Variants in BBS9 observed in about 807,000 individuals in gnomAD.
The protein encoded by BBS9 is Bardet-Biedl syndrome 9.
BBS9 carries 89 observed loss-of-function variants against 117.7 expected under a neutral mutation model. That is an observed-to-expected ratio of 0.76 (90% CI 0.64 to 0.90). The LOEUF (loss-of-function observed/expected upper bound fraction) is 0.90, where lower values mean the gene tolerates loss of function less well. BBS9 is among the 40% of genes least tolerant of loss of function. The probability of loss-of-function intolerance (pLI) is 0.00; values close to 1 mark genes in which losing one functional copy is unlikely to be tolerated. For missense variants in BBS9, 982 were observed against 1,042.2 expected (o/e 0.94, Z 0.80); for synonymous variants, 379 against 370.9 (o/e 1.02, Z -0.25).
At chr7:33,383,475 T>G (rs993177631) in intron 17 of BBS9, among the ~76,000 whole-genome samples, 191 bp from the exon 18 acceptor site, 1 of 152,222 alleles carries the variant, frequency 6.6e-6, no homozygotes, top group Non-Finnish European at 1.5e-5. Flanking sequence ...GGAATTAGAT[T>G]TGAAAGTGTT....
intron 19 of BBS9, among the ~76,000 whole-genome samples, chr7:33,392,824 A>G (rs1301181273): frequency 6.6e-6 from 1 of 152,174 alleles, no homozygotes; most frequent in Non-Finnish European, 1.5e-5. Context: ...ATGGACTCTG[A>G]AGATAATTTA....
intron 9 of BBS9, among the ~76,000 whole-genome samples, chr7:33,282,967 T>C (rs986702851): frequency 6.6e-6 from 1 of 152,200 alleles, no homozygotes; most frequent in Non-Finnish European, 1.5e-5. Flanking sequence ...ATTATTGGTA[T>C]ATTATTATTT....
At chr7:33,424,829 G>A (rs1278684806) in intron 19 of BBS9, among the ~76,000 whole-genome samples, 1 of 152,084 alleles carries the variant, frequency 6.6e-6, no homozygotes, top group Non-Finnish European at 1.5e-5. Context: ...CTAGAATATG[G>A]AGTAACTGAA....
chr7:33,491,280 T>G lies in BBS9; in HGVS notation c.2116-14183T>G, dbSNP rs117763953. On this transcript the variant is annotated intron_variant, in intron 19 of 22. Coordinates refer to ENST00000242067, the MANE Select transcript of BBS9 (RefSeq NM_198428.3). Reference sequence around the variant, plus strand: ...GAGCACACTATTGATTAGATAACTTTTGAGGATAAAAAGCAAAGCTACCAC... The same window carrying G: ...GAGCACACTATTGATTAGATAACTTGTGAGGATAAAAAGCAAAGCTACCAC... Among the ~76,000 whole-genome samples, 101 of 152,346 alleles carry G rather than the reference T, an allele frequency of 6.6e-4. No homozygotes were observed. In the East Asian group the frequency reaches 0.019, roughly 28 times the overall value.
chr7:33,171,549 G>A (rs983594818), intron 4 of BBS9, among the ~76,000 whole-genome samples: 22 of 151,902 alleles, frequency 1.4e-4, no homozygotes, highest in African/African-American at 4.1e-4. Context: ...AAATAATTTC[G>A]AACTAATTTT....
At chr7:33,564,969 T>G (rs1489760548) in intron 21 of BBS9, among the ~76,000 whole-genome samples, 4 of 152,198 alleles carry the variant, frequency 2.6e-5, no homozygotes, top group Admixed American at 2.6e-4. Flanking sequence ...ATGTAGTGCA[T>G]GAGGCTACAC....
intron 19 of BBS9, among the ~76,000 whole-genome samples, chr7:33,408,296 C>A (rs976554435): frequency 6.6e-6 from 1 of 152,170 alleles, no homozygotes; most frequent in Non-Finnish European, 1.5e-5. Context: ...CGGAAAAGTG[C>A]AGTATTAGGG....
In BBS9 at chr7:33,471,482, G is replaced by C. The variant is rs6958068; in HGVS notation, c.2116-33981G>C. ...TCCCTTGCTACACGTATAGTCCATA[G>C]TAGGTGCTCATAACTGCAGGTGGAA... On this transcript the variant is annotated intron_variant, in intron 19 of 22. Coordinates refer to ENST00000242067, the MANE Select transcript of BBS9 (RefSeq NM_198428.3). Among the ~76,000 whole-genome samples the C allele has an allele frequency of 3.1e-3, 478 of 152,278 alleles. 2 individuals carry two copies. Among genetic ancestry groups the C allele is most frequent in the African/African-American group, 0.011 (466 of 41,560 alleles).
At chr7:33,546,451 A>G (rs941614181) in intron 21 of BBS9, among the ~76,000 whole-genome samples, 2 of 152,172 alleles carry the variant, frequency 1.3e-5, no homozygotes, top group Admixed American at 6.5e-5. Flanking sequence ...AGCTGGTTAT[A>G]TTACTTCTCT....
chr7:33,550,696 A>G (rs1457776430), intron 21 of BBS9, among the ~76,000 whole-genome samples: 3 of 152,170 alleles, frequency 2.0e-5, no homozygotes, highest in Non-Finnish European at 4.4e-5. Context: ...GTTTATTCCA[A>G]TAAATTGTTG....
chr7:33,300,116 T>A (rs965559606), intron 9 of BBS9, among the ~76,000 whole-genome samples: 2 of 152,146 alleles, frequency 1.3e-5, no homozygotes, highest in Non-Finnish European at 2.9e-5. Flanking sequence ...CAGAGAGTAG[T>A]GTAGCTATAA....
intron 19 of BBS9, 78 bp from the exon 20 acceptor site, chr7:33,505,384 CA>C: frequency 7.0e-7 from 1 of 1,433,158 alleles, no homozygotes; most frequent in Admixed American, 1.7e-5. Flanking sequence ...TGAAGAAAAA[CA>C]AAAGTGTGCC....
intron 20 of BBS9, among the ~76,000 whole-genome samples, chr7:33,520,376 G>A (rs1027982175): frequency 2.6e-5 from 4 of 152,156 alleles, no homozygotes; most frequent in East Asian, 3.9e-4. Context: ...AAGTGAACCC[G>A]CACAGAAAAG....
intron 17 of BBS9, among the ~76,000 whole-genome samples, chr7:33,383,066 T>C (rs1563094679): frequency 6.6e-6 from 1 of 152,098 alleles, no homozygotes; most frequent in East Asian, 1.9e-4. Flanking sequence ...ATTTTCAGGG[T>C]AGAGAATAGC....
intron 6 of BBS9, among the ~76,000 whole-genome samples, chr7:33,261,303 A>G (rs1246348262): frequency 6.6e-6 from 1 of 152,190 alleles, no homozygotes; most frequent in African/African-American, 2.4e-5. Context: ...GACTAAGCTC[A>G]GTGCTCCTCG....
chr7:33,575,038 T>C (rs1005680257), intron 21 of BBS9, among the ~76,000 whole-genome samples: 22 of 152,088 alleles, frequency 1.4e-4, no homozygotes, highest in African/African-American at 5.3e-4. Flanking sequence ...TGTAACCTTA[T>C]CTGACTTGAA....
chr7:33,359,455 T>G (rs1820227529), intron 16 of BBS9, among the ~76,000 whole-genome samples: 1 of 152,046 alleles, frequency 6.6e-6, no homozygotes, highest in African/African-American at 2.4e-5. Context: ...GCTCAATTGT[T>G]TTGATGTCAT....
chr7:33,244,447 T>C (rs1333373015), intron 5 of BBS9, among the ~76,000 whole-genome samples: 1 of 152,188 alleles, frequency 6.6e-6, no homozygotes, highest in Non-Finnish European at 1.5e-5. Context: ...CTAACCTTCC[T>C]CTGGGATCTT....
At chr7:33,316,446 T>C (rs1036782788) in intron 9 of BBS9, among the ~76,000 whole-genome samples, 23 of 152,198 alleles carry the variant, frequency 1.5e-4, no homozygotes, top group Admixed American at 1.4e-3. Flanking sequence ...AGGGTTGTTA[T>C]ATATTTATTC....
Sources: gnomAD v4.1 joint callset for allele counts (sites outside exome capture counted in the v4.1 genomes callset) on GRCh38, gnomAD v4.1.1 for gene constraint, MANE v1.5 for transcripts, NCBI Gene and HGNC (gene_info 2026-07-23, HGNC 2026-07-21) for gene names.